LINGO2: variants seen among roughly 807,000 people sequenced by gnomAD.
The protein encoded by LINGO2 is leucine-rich repeat and immunoglobulin-like domain-containing nogo receptor-interacting protein 2.
A neutral mutation model predicts 30.6 loss-of-function variants in LINGO2; 14 were observed. The observed-to-expected ratio is 0.46, with a 90% CI of 0.30 to 0.72. The LOEUF (loss-of-function observed/expected upper bound fraction) is 0.72, where lower values mean the gene tolerates loss of function less well. Ranked by LOEUF, LINGO2 falls within the 30% of genes least tolerant of loss-of-function variation. The pLI is 0.07. For synonymous variants in LINGO2, 317 were observed against 288.5 expected, an observed-to-expected ratio of 1.10 and a Z score of -1.00; for missense variants, 729 against 751.7, an observed-to-expected ratio of 0.97 and a Z score of 0.35.
At chr9:28,888,514 A>G in the LINGO2 span, among the ~76,000 whole-genome samples, 1 of 152,100 alleles carries the variant, frequency 6.6e-6, no homozygotes, top group Non-Finnish European at 1.5e-5. Flanking sequence ...TTAAGGGAAT[A>G]CATATGATTT....
intron 4 of LINGO2, among the ~76,000 whole-genome samples, chr9:28,029,476 T>G (rs995160772): frequency 1.1e-4 from 17 of 152,318 alleles, no homozygotes; most frequent in Non-Finnish European, 5.9e-5. Context: ...GCAAGAGAGA[T>G]AGTTAAGCCA....
chr9:28,489,733 TA>T (rs1247248808), intron 1 of LINGO2, among the ~76,000 whole-genome samples: 2 of 150,874 alleles, frequency 1.3e-5, no homozygotes, highest in Admixed American at 1.3e-4. Context: ...CTGTCTCGAC[TA>T]AAAAAACACA....
intron 4 of LINGO2, among the ~76,000 whole-genome samples, chr9:28,244,709 G>T (rs566500000): frequency 6.6e-6 from 1 of 151,824 alleles, no homozygotes; most frequent in Non-Finnish European, 1.5e-5. Flanking sequence ...TAAAAGAAAT[G>T]GATGAATTCC....
chr9:28,562,512 T>A (rs1246260840), intron 1 of LINGO2, among the ~76,000 whole-genome samples: 1 of 149,428 alleles, frequency 6.7e-6, no homozygotes, highest in Non-Finnish European at 1.5e-5. Context: ...TTAAGCAAAT[T>A]TCACCAGGAA....
chr9:28,586,207 T>C (rs531771333), intron 1 of LINGO2, among the ~76,000 whole-genome samples: 2 of 152,098 alleles, frequency 1.3e-5, no homozygotes, highest in East Asian at 3.9e-4. Flanking sequence ...TAGTAAGACA[T>C]GCTTGTTATT....
intron 4 of LINGO2, among the ~76,000 whole-genome samples, chr9:28,042,519 G>A (rs75792832): frequency 0.015 from 2,252 of 152,256 alleles, 42 homozygotes; most frequent in African/African-American, 0.052. Flanking sequence ...AGAAGAGGAA[G>A]TGTTATAACC....
At chr9:27,948,674 T>C in exon 6 of LINGO2, 2 of 719,660 alleles carry the variant, frequency 2.8e-6, no homozygotes, top group Admixed American at 2.5e-5. Flanking sequence ...GACACATGCC[T>C]GCCTGCCTGC....
At chr9:28,823,722 C>T in the LINGO2 span, among the ~76,000 whole-genome samples, 3 of 152,150 alleles carry the variant, frequency 2.0e-5, no homozygotes, top group African/African-American at 7.2e-5. Context: ...CTGTCAACCA[C>T]CTGAATGACT....
At chr9:28,153,746 T>C (rs1828060893) in intron 4 of LINGO2, among the ~76,000 whole-genome samples, 1 of 152,218 alleles carries the variant, frequency 6.6e-6, no homozygotes, top group African/African-American at 2.4e-5. Flanking sequence ...TATTCCTTTA[T>C]ACCAGAGCTA....
At chr9:28,498,688 CA>C (rs1160659006) in intron 1 of LINGO2, among the ~76,000 whole-genome samples, 6 of 152,134 alleles carry the variant, frequency 3.9e-5, no homozygotes, top group Non-Finnish European at 7.3e-5. Flanking sequence ...CAACAAACCC[CA>C]GTGAGATGAA....
intron 4 of LINGO2, among the ~76,000 whole-genome samples, chr9:28,064,102 G>A (rs1369114249): frequency 2.0e-5 from 3 of 152,142 alleles, no homozygotes; most frequent in African/African-American, 7.2e-5. Flanking sequence ...GAAAAAACAA[G>A]AGGGAAAGAA....
intron 5 of LINGO2, among the ~76,000 whole-genome samples, chr9:28,004,588 G>A (rs1822164430): frequency 6.6e-6 from 1 of 152,020 alleles, no homozygotes; most frequent in Admixed American, 6.6e-5. Flanking sequence ...ATTAGTTGAT[G>A]ACATATCAAC....
chr9:28,092,093 T>C (rs1826108593), intron 4 of LINGO2, among the ~76,000 whole-genome samples: 3 of 152,278 alleles, frequency 2.0e-5, no homozygotes, highest in South Asian at 2.1e-4. Context: ...TTTACACCGT[T>C]GGTGGGACTG....
chr9:29,082,887 C>A, the LINGO2 span, among the ~76,000 whole-genome samples: 20 of 152,190 alleles, frequency 1.3e-4, no homozygotes, highest in South Asian at 4.1e-3. Flanking sequence ...AATGAGATAC[C>A]ATCTCACACA....
intron 5 of LINGO2, among the ~76,000 whole-genome samples, chr9:28,002,638 C>T (rs1034407523): frequency 2.0e-5 from 3 of 152,000 alleles, no homozygotes; most frequent in Non-Finnish European, 4.4e-5. Flanking sequence ...TGACAGAGAC[C>T]CTTAAACAAA....
chr9:28,446,983 T>A lies in LINGO2; in HGVS notation c.-279+28957A>T, dbSNP rs1423659501. Among the ~76,000 whole-genome samples the A allele has an allele frequency of 2.0e-5, 3 of 152,156 alleles. No individual in the cohort carries two copies. The East Asian group carries it at 5.8e-4, about 29-fold the overall frequency. Reference sequence around the variant, plus strand: ...AGACTCCTTCTCATCTCAGGATAGGTGTTCCTTTCTCTGCCTTAAAGAATC... The same window carrying A: ...AGACTCCTTCTCATCTCAGGATAGGAGTTCCTTTCTCTGCCTTAAAGAATC... On this transcript the variant is annotated intron_variant, in intron 2 of 5. Coordinates refer to ENST00000379992, the Ensembl canonical transcript of LINGO2.
chr9:28,986,116 A>G, the LINGO2 span, among the ~76,000 whole-genome samples: 1 of 151,990 alleles, frequency 6.6e-6, no homozygotes, highest in Non-Finnish European at 1.5e-5. Flanking sequence ...AAGAGGCTAT[A>G]TTATTCTTTT....
intron 1 of LINGO2, among the ~76,000 whole-genome samples, chr9:28,633,960 C>T (rs371910641): frequency 5.3e-5 from 8 of 152,270 alleles, no homozygotes; most frequent in African/African-American, 1.7e-4. Context: ...TCTGTCATAG[C>T]TTCCTGTGAG....
At chr9:29,043,289 G>A in the LINGO2 span, among the ~76,000 whole-genome samples, 1 of 151,246 alleles carries the variant, frequency 6.6e-6, no homozygotes, top group Non-Finnish European at 1.5e-5. Flanking sequence ...AAGAAACTTG[G>A]ATTCTGCTCC....
Sources: gnomAD v4.1 joint callset for allele counts (sites outside exome capture counted in the v4.1 genomes callset) on GRCh38, gnomAD v4.1.1 for gene constraint, MANE v1.5 for transcripts, NCBI Gene and HGNC (gene_info 2026-07-23, HGNC 2026-07-21) for gene names.